Variants in ITGA4 observed in about 807,000 individuals in gnomAD.
ITGA4 encodes integrin alpha-4.
A neutral mutation model predicts 133.6 loss-of-function variants in ITGA4; 63 were observed. The observed-to-expected ratio is 0.47, with a 90% CI of 0.38 to 0.58. The LOEUF (loss-of-function observed/expected upper bound fraction) is 0.58, where lower values mean the gene tolerates loss of function less well. ITGA4 is among the 20% of genes least tolerant of loss of function. The pLI, the probability that ITGA4 is intolerant of heterozygous loss-of-function variation, is 0.00. For synonymous variants in ITGA4, 483 were observed against 438.0 expected (o/e 1.10, Z -1.28); for missense variants, 1,076 against 1,252.7 (o/e 0.86, Z 2.13).
chr2:181,458,564 C>T, intron 2 of ITGA4: 3 of 504,174 alleles, frequency 6.0e-6, no homozygotes, highest in Non-Finnish European at 1.1e-5. Flanking sequence ...AGAGAAATTT[C>T]TTATGATACC....
chr2:181,469,176 T>C (rs894216618), intron 2 of ITGA4, among the ~76,000 whole-genome samples: 1 of 152,224 alleles, frequency 6.6e-6, no homozygotes, highest in Non-Finnish European at 1.5e-5. Flanking sequence ...CTTAGAAATA[T>C]TGTATTTCTA....
At chr2:181,535,082 C>T in intron 27 of ITGA4, 147 bp downstream of exon 27, 1 of 862,056 alleles carries the variant, frequency 1.2e-6, no homozygotes, top group Non-Finnish European at 1.6e-6. Flanking sequence ...CATTTCTCTT[C>T]AACACCAAAG....
Position 181,475,054 on chromosome 2 carries a change from T to C in ITGA4, c.414T>C (p.Asn138=). 1.2e-6 allele frequency: 2 copies of C among 1,613,976 alleles called. No homozygotes were observed. Among genetic ancestry groups the C allele is most frequent in the Non-Finnish European group, 1.7e-6 (2 of 1,179,894 alleles). ...CACTTTCCAGACAGCCAGGAGAAAA[T>C]GGATCCATCGTGGTAGGTATTGGAA... The part of the protein sequence containing the change: ...GVTLSRQPGE[N]GSIVTCGHRW... Residue 138 remains asparagine, a synonymous_variant, in exon 3 of 28, where the codon AAT becomes AAC. Coordinates refer to ENST00000397033, the MANE Select transcript of ITGA4 (RefSeq NM_000885.6).
chr2:181,466,296 T>C (rs1685411506), intron 2 of ITGA4, among the ~76,000 whole-genome samples: 2 of 151,108 alleles, frequency 1.3e-5, no homozygotes, highest in South Asian at 4.2e-4. Flanking sequence ...TAGAATAAGA[T>C]AAAAAAAAAT....
chr2:181,457,364 C>T (rs1370153635), upstream of ITGA4: 8 of 369,818 alleles, frequency 2.2e-5, no homozygotes, highest in African/African-American at 1.3e-4. Context: ...CCCGGGACCC[C>T]ACCCAGCGGC....
chr2:181,465,224 C>T (rs911766765), intron 2 of ITGA4, among the ~76,000 whole-genome samples: 1 of 152,046 alleles, frequency 6.6e-6, no homozygotes, highest in African/African-American at 2.4e-5. Context: ...TTTTGTCTGC[C>T]AGTCATTGTC....
Position 181,480,219 on chromosome 2 carries a change from A to G in ITGA4, c.707A>G (p.Lys236Arg). 6.6e-7 allele frequency: 1 copy of G among 1,511,742 alleles called. No individual in the cohort carries two copies. Among genetic ancestry groups the G allele is most frequent in the Non-Finnish European group, 8.9e-7 (1 of 1,124,034 alleles). The allele number at this position is 1,511,742 out of a possible 1,614,324, so 93.6% of individuals were successfully genotyped here. A position where few individuals can be genotyped will look rare whatever the true frequency, so the allele number is the denominator to read the frequency against. The change falls in exon 6 of 28, where the codon AAG becomes AGG. Residue 236 changes from lysine to arginine, a missense_variant. This residue lies in a region of ITGA4 where 436 missense variants were observed against 590.7 expected (regional missense o/e 0.74). Coordinates refer to ENST00000397033, the MANE Select transcript of ITGA4 (RefSeq NM_000885.6). ...TACAATATAACTACAAATAAATACA[A>G]GGCTTTTTTAGACAAACAAAATCAA... ...FVYNITTNKY[K>R]AFLDKQNQVK...
Position 181,495,952 on chromosome 2 carries a change from CAA to C in ITGA4, c.1540+16_1540+17del. 2 of 1,612,020 alleles carry C rather than the reference CAA, an allele frequency of 1.2e-6. No individual in the cohort carries two copies. Among genetic ancestry groups the C allele is most frequent in the Non-Finnish European group, 1.7e-6 (2 of 1,178,714 alleles). On this transcript the variant is annotated intron_variant, in intron 14 of 27. Coordinates refer to ENST00000397033, the MANE Select transcript of ITGA4 (RefSeq NM_000885.6). The surrounding 1 kb of genome is among the most constrained non-coding windows in gnomAD (Gnocchi z 4.3). ...AGGTTACATTGGTGGGTATGCCCTA[CAA>C]TATTAATGCTTGATGGGGTGCGGTT...
intron 15 of ITGA4, among the ~76,000 whole-genome samples, chr2:181,501,396 A>G (rs1195780996): frequency 6.6e-6 from 1 of 152,110 alleles, no homozygotes; most frequent in Non-Finnish European, 1.5e-5. Flanking sequence ...ATTATATAGA[A>G]CCTGTGGCTT....
chr2:181,458,259 G>A lies in ITGA4; in HGVS notation c.261G>A (p.Ala87=), dbSNP rs1487128132. 1 of 1,613,480 alleles carries A rather than the reference G, an allele frequency of 6.2e-7. No individual in the cohort carries two copies. The highest frequency in any genetic ancestry group is 1.7e-5 in the Admixed American group (1 of 59,956). Residue 87 remains alanine (A), a synonymous_variant, in exon 2 of 28, where the codon GCG becomes GCA. Transcript: ENST00000397033. ...LANASVINPG[A]IYRCRIGKNP... The stretch of plus-strand genomic sequence containing the variant: ...ACGCTTCAGTGATCAATCCCGGGGC[G>A]ATTTACAGATGCAGGATCGGAAAGA...
chr2:181,523,584 T>C lies in ITGA4; in HGVS notation c.2169+52T>C. ...GTTCACTATCATGAATATTTTTTTC[T>C]ATTCTTCCCTATCTTTAGGTTGCAT... is the stretch of plus-strand genomic sequence containing the variant. On this transcript the variant is annotated intron_variant, in intron 19 of 27. Coordinates refer to ENST00000397033, the MANE Select transcript of ITGA4 (RefSeq NM_000885.6). The surrounding 1 kb of genome is among the most constrained non-coding windows in gnomAD (Gnocchi z 4.2). 4.1e-6 allele frequency: 4 copies of C among 965,328 alleles called. No homozygotes were observed. Among genetic ancestry groups the C allele is most frequent in the Non-Finnish European group, 6.6e-6 (4 of 603,324 alleles). The allele number at this position is 965,328 out of a possible 1,614,324, so 59.8% of individuals were successfully genotyped here. A position where few individuals can be genotyped will look rare whatever the true frequency, so the allele number is the denominator to read the frequency against.
At chr2:181,506,437 A>C (rs1206427668) in intron 15 of ITGA4, among the ~76,000 whole-genome samples, 1 of 152,100 alleles carries the variant, frequency 6.6e-6, no homozygotes, top group African/African-American at 2.4e-5. Context: ...CCATAGACAA[A>C]TTAAGAAACT....
At position 181,478,745 on chromosome 2, in the gene ITGA4, AT is replaced by A; in HGVS notation, c.557-9del. The A allele has an allele frequency of 7.9e-7, 1 of 1,259,512 alleles. No homozygotes were observed. Among genetic ancestry groups the A allele is most frequent in the Non-Finnish European group, 1.1e-6 (1 of 905,182 alleles). 78.0% of individuals were successfully genotyped at this position (1,259,512 alleles called of 1,614,324 possible). On this transcript the variant is annotated splice_polypyrimidine_tract_variant and intron_variant, in intron 4 of 27. Coordinates refer to ENST00000397033, the MANE Select transcript of ITGA4 (RefSeq NM_000885.6). The stretch of plus-strand genomic sequence containing the variant: ...AGATAAAATTCTGAGTTGTTTTAAT[AT>A]TTCATTTTAGATTATGTGAAAAAAT...
intron 2 of ITGA4, among the ~76,000 whole-genome samples, chr2:181,467,321 A>G (rs1215275730): frequency 2.0e-5 from 3 of 152,122 alleles, no homozygotes; most frequent in African/African-American, 7.2e-5. Flanking sequence ...GTAAGTATAT[A>G]TGTTGTCTTA....
chr2:181,535,471 G>A lies in ITGA4; in HGVS notation c.3043G>A (p.Glu1015Lys). The change falls in exon 28 of 28, where the codon GAA becomes AAA. Residue 1015 changes from glutamate to lysine, a missense_variant. By Grantham distance (56) the Glu-to-Lys change is moderately conservative. Around this residue, in one of 4 missense-constraint regions of ITGA4, gnomAD observed 193 missense variants for 172.3 expected, o/e 1.12. Transcript: ENST00000397033. The part of the protein sequence containing the change: ...FKRQYKSILQ[E>K]ENRRDSWSYI... ...AAGACAATACAAATCTATCCTACAAGAAGAAAACAGAAGAGACAGTTGGAG... is the reference window on the plus strand; with the variant it reads ...AAGACAATACAAATCTATCCTACAAAAAGAAAACAGAAGAGACAGTTGGAG... The A allele has an allele frequency of 6.2e-7, 1 of 1,604,884 alleles. No individual in the cohort carries two copies.
Position 181,491,163 on chromosome 2 carries a change from T to A in ITGA4, c.1154-2162T>A, listed in dbSNP as rs547726243. Among the ~76,000 whole-genome samples the A allele has an allele frequency of 5.9e-5, 9 of 152,358 alleles. No individual in the cohort carries two copies. The South Asian group carries it at 1.9e-3, about 32-fold the overall frequency. On this transcript the variant is annotated intron_variant, in intron 10 of 27. Transcript: ENST00000397033. ...AAAAAATTTATCTGGGCCTTTTTAA[T>A]ATTTTGGCTGAAAAGGCTCATCTGT... is the stretch of plus-strand genomic sequence containing the variant.
At chr2:181,500,040 T>C (rs1008639584) in intron 15 of ITGA4, among the ~76,000 whole-genome samples, 1 of 152,200 alleles carries the variant, frequency 6.6e-6, no homozygotes, top group African/African-American at 2.4e-5. Context: ...GTGTTGCATG[T>C]ATATTTGTAG....
intron 17 of ITGA4, among the ~76,000 whole-genome samples, chr2:181,518,497 G>A (rs1489420068): frequency 6.6e-6 from 1 of 152,030 alleles, no homozygotes; most frequent in Non-Finnish European, 1.5e-5. Flanking sequence ...GTACAAAATA[G>A]ATTTCAATTA....
intron 9 of ITGA4, among the ~76,000 whole-genome samples, chr2:181,484,947 AT>A (rs1559043436): frequency 1.3e-5 from 2 of 152,192 alleles, no homozygotes; most frequent in African/African-American, 4.8e-5. Context: ...AATAAAGGAC[AT>A]GGCCTTTTTT....
Sources: allele counts gnomAD v4.1 joint callset (sites outside exome capture counted in the v4.1 genomes callset), GRCh38; gene constraint gnomAD v4.1.1; regional missense constraint gnomAD v4.1.1; non-coding constraint Gnocchi (gnomAD v3.1); transcripts MANE v1.5; gene names NCBI Gene and HGNC (gene_info 2026-07-23, HGNC 2026-07-21).